Variants in PALLD observed in about 807,000 individuals in gnomAD.
The protein encoded by PALLD is palladin.
In PALLD, 61 loss-of-function variants were observed where a neutral mutation model predicts 123.5. The observed-to-expected ratio is 0.49, with a 90% CI of 0.40 to 0.61. The LOEUF is 0.61. PALLD is among the 20% of genes least tolerant of loss of function. PALLD has a pLI of 0.00. For missense variants in PALLD, 1,273 were observed against 1,377.0 expected, an observed-to-expected ratio of 0.92 and a Z score of 1.20; for synonymous variants, 465 against 496.4, an observed-to-expected ratio of 0.94 and a Z score of 0.84.
chr4:168,570,955 T>C (rs1768916197), intron 2 of PALLD, among the ~76,000 whole-genome samples: 1 of 152,216 alleles, frequency 6.6e-6, no homozygotes, highest in South Asian at 2.1e-4. Flanking sequence ...TATAAATCTA[T>C]GCCTTGTGAA....
chr4:168,860,102 G>A (rs867632), intron 10 of PALLD, among the ~76,000 whole-genome samples: 116,884 of 152,064 alleles, frequency 0.77, 45,283 homozygotes, highest in East Asian at 0.93. Context: ...GAAATCGGGT[G>A]AACACACAAC....
intron 2 of PALLD, among the ~76,000 whole-genome samples, chr4:168,569,637 A>G (rs1768771547): frequency 6.6e-6 from 1 of 152,164 alleles, no homozygotes; most frequent in Admixed American, 6.5e-5. Flanking sequence ...GATCTCTAAG[A>G]TAACTAAAAT....
chr4:168,702,711 A>G lies in PALLD; in HGVS notation c.1502-6317A>G, dbSNP rs1020553752. 4.6e-5 allele frequency among the ~76,000 whole-genome samples: 7 copies of G among 152,086 alleles called. No individual in the cohort carries two copies. The South Asian group carries it at 8.3e-4, about 18-fold the overall frequency. On this transcript the variant is annotated intron_variant, in intron 8 of 21. Coordinates refer to ENST00000505667, the MANE Select transcript of PALLD (RefSeq NM_001166108.2). Reference sequence around the variant, plus strand: ...AGAAATGAGGGATTTGACCTAATCAATCTCTTACAGTACTGATCTTGTATG... The same window carrying G: ...AGAAATGAGGGATTTGACCTAATCAGTCTCTTACAGTACTGATCTTGTATG...
chr4:168,613,637 C>T (rs920632707), intron 2 of PALLD, among the ~76,000 whole-genome samples: 1 of 152,170 alleles, frequency 6.6e-6, no homozygotes, highest in Admixed American at 6.5e-5. Flanking sequence ...AATCCTACCT[C>T]CTTTGGCTGG....
intron 2 of PALLD, among the ~76,000 whole-genome samples, chr4:168,585,350 C>A (rs922512798): frequency 5.9e-5 from 9 of 151,686 alleles, no homozygotes; most frequent in African/African-American, 1.9e-4. Flanking sequence ...AAATGATTAA[C>A]CCATTTCATA....
chr4:168,689,895 T>C (rs1289780228), intron 6 of PALLD, among the ~76,000 whole-genome samples: 1 of 152,224 alleles, frequency 6.6e-6, no homozygotes, highest in Non-Finnish European at 1.5e-5. Flanking sequence ...GTATAAAAGC[T>C]TTACTTCTTT....
intron 1 of PALLD, among the ~76,000 whole-genome samples, chr4:168,502,441 G>A (rs996393658): frequency 1.3e-5 from 2 of 152,072 alleles, no homozygotes; most frequent in African/African-American, 4.8e-5. Flanking sequence ...TTGCTTTAGC[G>A]AAATGAGCAG....
rs986612842 is a variant in PALLD at position 168,703,960 on chromosome 4, T to C, written c.1502-5068T>C. On this transcript the variant is annotated intron_variant, in intron 8 of 21. Coordinates refer to ENST00000505667, the MANE Select transcript of PALLD (RefSeq NM_001166108.2). ...TGGCTTTTGTTGCCATTGCTTTTGG[T>C]GTTTTAAGACATGAAGTCCTTGCCC... 2.0e-5 allele frequency among the ~76,000 whole-genome samples: 3 copies of C among 152,192 alleles called. No individual in the cohort carries two copies. The East Asian group carries it at 5.8e-4, about 29-fold the overall frequency.
chr4:168,774,653 G>A (rs761220802), intron 10 of PALLD, among the ~76,000 whole-genome samples: 63 of 149,420 alleles, frequency 4.2e-4, no homozygotes, highest in Non-Finnish European at 7.3e-4. Context: ...GCGTGAACCT[G>A]GGAGGTGGAG....
At chr4:168,659,768 A>G (rs1220037031) in intron 2 of PALLD, among the ~76,000 whole-genome samples, 1 of 152,254 alleles carries the variant, frequency 6.6e-6, no homozygotes, top group South Asian at 2.1e-4. Context: ...TTTAAAAGCC[A>G]CATGTTTAAA....
chr4:168,537,941 C>T (rs1765247023), intron 2 of PALLD, among the ~76,000 whole-genome samples: 1 of 152,208 alleles, frequency 6.6e-6, no homozygotes, highest in Non-Finnish European at 1.5e-5. Flanking sequence ...TAACCTGTTA[C>T]AGCAGTAATA....
rs571269452 is a variant in PALLD, at chr4:168,558,198, T to C, written c.908+45786T>C. On this transcript the variant is annotated intron_variant, in intron 2 of 21. Transcript: ENST00000505667. The stretch of plus-strand genomic sequence containing the variant: ...CAGCAGCTCCATCCTTCATGTCCCA[T>C]GTTTACTCATCCCCCAGCTCTGGCC... Among the ~76,000 whole-genome samples the C allele has an allele frequency of 1.7e-3, 259 of 152,256 alleles. 1 individual carries two copies. Among genetic ancestry groups the C allele is most frequent in the African/African-American group, 5.9e-3 (246 of 41,530 alleles).
At chr4:168,893,900 C>A (rs536064310) in intron 11 of PALLD, among the ~76,000 whole-genome samples, 1 of 152,326 alleles carries the variant, frequency 6.6e-6, no homozygotes, top group African/African-American at 2.4e-5. Context: ...TTAGCTTTGG[C>A]AAGTGTCTTG....
At chr4:168,656,978 A>C (rs964216666) in intron 2 of PALLD, among the ~76,000 whole-genome samples, 1 of 152,240 alleles carries the variant, frequency 6.6e-6, no homozygotes, top group African/African-American at 2.4e-5. Context: ...GTTGGGGATC[A>C]ATGGGATATA....
At chr4:168,533,087 G>T (rs1764753064) in intron 2 of PALLD, among the ~76,000 whole-genome samples, 2 of 152,158 alleles carry the variant, frequency 1.3e-5, no homozygotes, top group African/African-American at 2.4e-5. Flanking sequence ...AAGCATATTT[G>T]TGTGTATATG....
At chr4:168,732,753 A>G (rs1287092618) in intron 10 of PALLD, among the ~76,000 whole-genome samples, 1 of 152,190 alleles carries the variant, frequency 6.6e-6, no homozygotes, top group African/African-American at 2.4e-5. Context: ...TTAAAATATG[A>G]CTCATCAGAA....
intron 2 of PALLD, among the ~76,000 whole-genome samples, chr4:168,513,628 G>A (rs1762730756): frequency 6.6e-6 from 1 of 152,154 alleles, no homozygotes; most frequent in African/African-American, 2.4e-5. Flanking sequence ...GTACCTTGCA[G>A]CTAGTAACTG....
chr4:168,631,205 G>C (rs1775766288), intron 2 of PALLD, among the ~76,000 whole-genome samples: 1 of 152,224 alleles, frequency 6.6e-6, no homozygotes, highest in African/African-American at 2.4e-5. Context: ...CGCAGATGGA[G>C]AGTACAACTG....
intron 2 of PALLD, among the ~76,000 whole-genome samples, chr4:168,515,601 C>T (rs1338333156): frequency 6.6e-6 from 1 of 152,136 alleles, no homozygotes; most frequent in East Asian, 1.9e-4. Context: ...AGAAGCTTGG[C>T]GGTTGGCCAA....
Sources: allele counts gnomAD v4.1 joint callset (sites outside exome capture counted in the v4.1 genomes callset), GRCh38; gene constraint gnomAD v4.1.1; transcripts MANE v1.5; gene names NCBI Gene and HGNC (gene_info 2026-07-23, HGNC 2026-07-21).